The following STPG2 variants were observed in gnomAD, a reference collection of about 807,000 sequenced individuals.
STPG2 encodes the protein sperm tail PG-rich repeat containing 2.
Under a neutral mutation model 54.2 loss-of-function variants are expected in STPG2, and 56 were observed. The observed-to-expected ratio is 1.03, with a 90% CI of 0.83 to 1.29. The LOEUF (loss-of-function observed/expected upper bound fraction) is 1.29. Ranked by LOEUF, STPG2 falls within the 50% of genes most tolerant of loss-of-function variation. STPG2 has a pLI of 0.00. For missense variants in STPG2, 596 were observed against 544.9 expected (o/e 1.09, Z -0.93); for synonymous variants, 200 against 181.8 (o/e 1.10, Z -0.81).
intron 10 of STPG2, among the ~76,000 whole-genome samples, chr4:97,619,337 A>T (rs918860386): frequency 1.2e-4 from 18 of 152,174 alleles, no homozygotes; most frequent in African/African-American, 3.4e-4. Flanking sequence ...GAGAAAATAT[A>T]AAAAAGCAGT....
At chr4:97,900,325 A>AGT (rs1432989285) in intron 8 of STPG2, among the ~76,000 whole-genome samples, 3 of 152,144 alleles carry the variant, frequency 2.0e-5, no homozygotes, top group African/African-American at 7.2e-5. Context: ...TGTCAATGGG[A>AGT]GTGTAAATTA....
chr4:97,842,463 G>C (rs2149123048), intron 8 of STPG2, among the ~76,000 whole-genome samples: 1 of 151,992 alleles, frequency 6.6e-6, no homozygotes, highest in South Asian at 2.1e-4. Flanking sequence ...AATATGCCTA[G>C]TGTAAATAGG....
chr4:97,813,825 A>T (rs1727824477), intron 9 of STPG2, among the ~76,000 whole-genome samples: 1 of 150,954 alleles, frequency 6.6e-6, no homozygotes, highest in Non-Finnish European at 1.5e-5. Context: ...AATACTAATG[A>T]TTTCCTTTTA....
At chr4:97,980,268 T>A (rs1323982991) in intron 6 of STPG2, among the ~76,000 whole-genome samples, 2 of 151,874 alleles carry the variant, frequency 1.3e-5, no homozygotes, top group African/African-American at 4.8e-5. Flanking sequence ...TGAGAAGGAG[T>A]AGGTGCATGT....
intron 5 of STPG2, among the ~76,000 whole-genome samples, chr4:97,983,179 G>A (rs1054706919): frequency 6.6e-6 from 1 of 152,040 alleles, no homozygotes; most frequent in African/African-American, 2.4e-5. Flanking sequence ...AATGACAAGA[G>A]CTTTATAGTA....
Position 97,972,299 on chromosome 4 carries a change from G to A in STPG2, c.914C>T (p.Pro305Leu), listed in dbSNP as rs752010884. 3 of 1,599,926 alleles carry A rather than the reference G, an allele frequency of 1.9e-6. No individual in the cohort carries two copies. In the Admixed American group the frequency reaches 5.2e-5, roughly 28 times the overall value. The change falls in exon 7 of 11, where the codon CCT (proline) becomes CTT (leucine). Residue 305 changes from proline to leucine, a missense_variant. Transcript: ENST00000295268. ...FSVQKEACATPGPADYQEFWH... is the reference protein window; with the variant it reads ...FSVQKEACATLGPADYQEFWH... ...TATTACCTGATAATCAGCAGGTCCAGGGGTAGCACAAGCTTCTTTCTGAAC... is the reference window on the plus strand; with the variant it reads ...TATTACCTGATAATCAGCAGGTCCAAGGGTAGCACAAGCTTCTTTCTGAAC...
chr4:97,448,426 C>T (rs1240861777), intron 4 of STPG2, among the ~76,000 whole-genome samples: 1 of 152,100 alleles, frequency 6.6e-6, no homozygotes, highest in Non-Finnish European at 1.5e-5. Context: ...GTAATCCCCA[C>T]ATGTCAAAGG....
At chr4:97,930,739 A>T (rs896866269) in intron 8 of STPG2, among the ~76,000 whole-genome samples, 3 of 151,812 alleles carry the variant, frequency 2.0e-5, no homozygotes, top group Non-Finnish European at 4.4e-5. Flanking sequence ...TTTCATAGAA[A>T]TAGCATTGAA....
intron 10 of STPG2, among the ~76,000 whole-genome samples, chr4:97,703,794 ATGTGTG>A (rs111993291): frequency 1.4e-5 from 2 of 144,456 alleles, no homozygotes; most frequent in African/African-American, 5.1e-5. Flanking sequence ...GTGTATATAT[ATGTGTG>A]TGTGTGTGTG....
chr4:97,560,874 A>T (rs1401720987), intron 10 of STPG2, among the ~76,000 whole-genome samples: 2 of 152,226 alleles, frequency 1.3e-5, no homozygotes, highest in African/African-American at 2.4e-5. Flanking sequence ...TGTTTGACTC[A>T]TTCTTGTCAT....
At chr4:98,091,483 C>T (rs1229358932) in intron 5 of STPG2, among the ~76,000 whole-genome samples, 1 of 152,040 alleles carries the variant, frequency 6.6e-6, no homozygotes, top group Admixed American at 6.6e-5. Context: ...ATAACTCTAA[C>T]ACACTTTAGA....
Position 97,679,558 on chromosome 4 carries a change from T to C in STPG2, c.1320+33141A>G, listed in dbSNP as rs879544048. Among the ~76,000 whole-genome samples, 620 of 151,606 alleles carry C rather than the reference T, an allele frequency of 4.1e-3. 3 individuals carry two copies. The highest frequency in any genetic ancestry group is 0.02 in the South Asian group (97 of 4,818). ...GTCAGATGAGTAGGTTGCAAAAATT[T>C]TCTCCCATTTTGTAGGTTGCCTGTT... On this transcript the variant is annotated intron_variant, in intron 10 of 10. Coordinates refer to ENST00000295268, the MANE Select transcript of STPG2 (RefSeq NM_174952.3).
At chr4:97,462,248 T>C (rs1336370840) in intron 4 of STPG2, among the ~76,000 whole-genome samples, 6 of 152,076 alleles carry the variant, frequency 3.9e-5, no homozygotes, top group Admixed American at 3.9e-4. Context: ...ACTTGTGCTC[T>C]TTTCTCCCAT....
intron 9 of STPG2, among the ~76,000 whole-genome samples, chr4:97,739,794 A>C (rs927756236): frequency 6.7e-6 from 1 of 149,690 alleles, no homozygotes; most frequent in Non-Finnish European, 1.5e-5. Flanking sequence ...TACAGGGAGG[A>C]ATTGGTATCA....
intron 8 of STPG2, among the ~76,000 whole-genome samples, chr4:97,929,236 A>G (rs1008894251): frequency 6.6e-6 from 1 of 152,176 alleles, no homozygotes; most frequent in Non-Finnish European, 1.5e-5. Flanking sequence ...ATAGTATTCT[A>G]TGGTGTATAT....
At chr4:97,782,518 C>T (rs1013828858) in intron 9 of STPG2, among the ~76,000 whole-genome samples, 1 of 151,958 alleles carries the variant, frequency 6.6e-6, no homozygotes, top group Non-Finnish European at 1.5e-5. Flanking sequence ...GTAATTTACA[C>T]ATTCAATGCC....
At chr4:97,740,220 A>T (rs1467003940) in intron 9 of STPG2, among the ~76,000 whole-genome samples, 1 of 152,218 alleles carries the variant, frequency 6.6e-6, no homozygotes, top group Non-Finnish European at 1.5e-5. Context: ...ATCTCAAAAT[A>T]ATAACAGCTA....
chr4:97,825,610 T>C (rs1728228189), intron 9 of STPG2, among the ~76,000 whole-genome samples: 1 of 152,184 alleles, frequency 6.6e-6, no homozygotes, highest in South Asian at 2.1e-4. Context: ...TATGCTCTCC[T>C]GGCCCTGTTC....
intron 3 of STPG2, among the ~76,000 whole-genome samples, chr4:98,124,334 G>T (rs11721453): frequency 0.4 from 60,068 of 151,902 alleles, 12,117 homozygotes; most frequent in Middle Eastern, 0.46. Context: ...CTTTCCATAT[G>T]TAGTGCTTCC....
Sources: allele counts gnomAD v4.1 joint callset (sites outside exome capture counted in the v4.1 genomes callset), GRCh38; gene constraint gnomAD v4.1.1; transcripts MANE v1.5; gene names NCBI Gene and HGNC (gene_info 2026-07-23, HGNC 2026-07-21).